METTL25B: variants seen among roughly 807,000 people sequenced by gnomAD.
The protein encoded by METTL25B is methyltransferase like 25B.
METTL25B carries 38 observed loss-of-function variants against 48.4 expected under a neutral mutation model. That is an observed-to-expected ratio of 0.78 (90% CI 0.61 to 1.03). The LOEUF is 1.03. Among genes scored for constraint, METTL25B ranks in the 50% least tolerant of loss-of-function variants. The pLI is 0.00. For missense variants in METTL25B, 537 were observed against 603.7 expected (o/e 0.89, Z 1.16); for synonymous variants, 230 against 254.5 (o/e 0.90, Z 0.92).
At chr1:156,736,346 A>G in intron 7 of METTL25B, 1 of 331,304 alleles carries the variant, frequency 3.0e-6, no homozygotes, top group Non-Finnish European at 5.6e-6. Context: ...GGCAACAGAG[A>G]CTCCATCTCA....
At chr1:156,734,729 C>T (rs1649599988) in intron 6 of METTL25B, among the ~76,000 whole-genome samples, 1 of 151,684 alleles carries the variant, frequency 6.6e-6, no homozygotes, top group African/African-American at 2.4e-5. Context: ...GATGGGGTTT[C>T]ACCATGTTAG....
intron 6 of METTL25B, 39 bp downstream of exon 6, chr1:156,734,532 A>C: frequency 1.4e-6 from 2 of 1,461,558 alleles, no homozygotes; most frequent in South Asian, 2.8e-5. Context: ...TGGAGAGGAG[A>C]TTTCTTTTTT....
chr1:156,732,983 A>G lies in METTL25B; in HGVS notation c.430-2A>G. On this transcript the variant is annotated splice_acceptor_variant, in intron 3 of 7. Coordinates refer to ENST00000368216, the MANE Select transcript of METTL25B (RefSeq NM_015997.4). LOFTEE classifies it high-confidence loss of function. Reference sequence around the variant, plus strand: ...GGAGACCTTTGTTTCCTCCTTTTTCAGTTGGTGAAGAAGCTGAGTGATTTC... The same window carrying G: ...GGAGACCTTTGTTTCCTCCTTTTTCGGTTGGTGAAGAAGCTGAGTGATTTC... 6.2e-7 allele frequency: 1 copy of G among 1,613,472 alleles called. No individual in the cohort carries two copies. Among genetic ancestry groups the G allele is most frequent in the Non-Finnish European group, 8.5e-7 (1 of 1,179,780 alleles).
intron 5 of METTL25B, 145 bp from the exon 6 acceptor site, chr1:156,733,864 G>A (rs1649492991): frequency 1.8e-6 from 2 of 1,081,416 alleles, no homozygotes; most frequent in African/African-American, 1.6e-5. Flanking sequence ...CCTGACTTGT[G>A]GTCCAGCCCC....
rs1649556532 is a variant in METTL25B at position 156,734,417 on chromosome 1, A to G, written c.1045A>G (p.Ile349Val). Residue 349 changes from isoleucine (I) to valine (V), a missense_variant, in exon 6 of 8, where the codon ATC becomes GTC. Ile to Val is a conservative substitution (Grantham distance 29). Transcript: ENST00000368216. ...HCYRAALETV[I>V]RRARPELRRP... is the part of the protein sequence containing the mutation. Reference sequence around the variant, plus strand: ...CTACCGTGCAGCACTGGAGACAGTCATCCGACGGGCCCGGCCCGAGCTCCG... The same window carrying G: ...CTACCGTGCAGCACTGGAGACAGTCGTCCGACGGGCCCGGCCCGAGCTCCG... 2 of 1,611,542 alleles carry G rather than the reference A, an allele frequency of 1.2e-6. No homozygotes were observed. The highest frequency in any genetic ancestry group is 2.7e-5 in the African/African-American group (2 of 75,008).
intron 3 of METTL25B, 127 bp from the exon 4 acceptor site, chr1:156,732,858 C>A: frequency 1.2e-6 from 1 of 809,232 alleles, no homozygotes; most frequent in Non-Finnish European, 2.0e-6. Flanking sequence ...CCAAATCTGT[C>A]TTCACATCCA....
intron 4 of METTL25B, 72 bp from the exon 5 acceptor site, chr1:156,733,305 G>T: frequency 6.5e-7 from 1 of 1,548,474 alleles, no homozygotes; most frequent in Admixed American, 1.9e-5. Flanking sequence ...CAGGTGTCCA[G>T]GTTACCCATG....
chr1:156,728,482 G>C lies in METTL25B; in HGVS notation c.-623G>C, dbSNP rs1356611928. ...GATGCGGAAATCGGTGCGCGCCGAC[G>C]AAGCCCGGGAAGGCAGGCGCGCGGG... On this transcript the variant is annotated 5_prime_UTR_variant, in exon 1 of 8. Coordinates refer to ENST00000368216, the MANE Select transcript of METTL25B (RefSeq NM_015997.4). 5 of 985,640 alleles carry C rather than the reference G, an allele frequency of 5.1e-6. No homozygotes were observed. The highest frequency in any genetic ancestry group is 6.0e-6 in the Non-Finnish European group (5 of 829,936). The allele number at this position is 985,640 out of a possible 1,614,324, so 61.1% of individuals were successfully genotyped here. A position where few individuals can be genotyped will look rare whatever the true frequency, so the allele number is the denominator to read the frequency against.
chr1:156,729,435 T>G (rs1453487060), intron 1 of METTL25B: 5 of 391,468 alleles, frequency 1.3e-5, no homozygotes, highest in Non-Finnish European at 2.2e-5. Flanking sequence ...TTTTTTTTCT[T>G]TTTTTTTTTG....
Position 156,732,119 on chromosome 1 carries a change from T to G in METTL25B, c.236+4T>G, listed in dbSNP as rs774061757. ...CTGGGGAAGGGGAGGTCGTCAGGTA[T>G]GGGCTAGAAGGTCCCTGTGCTGGGG... On this transcript the variant is annotated splice_donor_region_variant and intron_variant, in intron 2 of 7. Coordinates refer to ENST00000368216, the MANE Select transcript of METTL25B (RefSeq NM_015997.4). 6 of 1,614,208 alleles carry G rather than the reference T, an allele frequency of 3.7e-6. No homozygotes were observed. The East Asian group carries it at 1.1e-4, about 30-fold the overall frequency.
rs773519286 is a variant in METTL25B, at chr1:156,735,780, C to T, written c.1177C>T (p.Leu393=). The change falls in exon 7 of 8, where the codon CTG becomes TTG. Residue 393 remains leucine (L), a synonymous_variant. Transcript: ENST00000368216. The part of the protein sequence containing the change: ...VGLDPQLPLN[L]AALQAHVAQE... ...GCTAGATCCCCAGCTGCCACTGAAT[C>T]TGGCTGCCCTTCAGGCCCACGTGGC... 2 of 1,612,084 alleles carry T rather than the reference C, an allele frequency of 1.2e-6. No homozygotes were observed. The highest frequency in any genetic ancestry group is 1.3e-5 in the African/African-American group (1 of 74,424).
intron 7 of METTL25B, chr1:156,736,137 G>T: frequency 2.6e-6 from 1 of 381,492 alleles, no homozygotes; most frequent in South Asian, 5.3e-5. Context: ...GGAGGCCAGG[G>T]TGGGTAGATC....
chr1:156,729,226 A>G lies in METTL25B; in HGVS notation c.111+11A>G, dbSNP rs1209915316. ...GATGCCTACATCATCGTGAGGCCAC[A>G]GGGGCGTGGGTGGGATGTCTCTGGT... On this transcript the variant is annotated intron_variant, in intron 1 of 7. Transcript: ENST00000368216. 2 of 1,551,176 alleles carry G rather than the reference A, an allele frequency of 1.3e-6. No homozygotes were observed. The highest frequency in any genetic ancestry group is 1.7e-4 in the Middle Eastern group (1 of 5,924).
chr1:156,732,412 C>G lies in METTL25B; in HGVS notation c.368C>G (p.Thr123Arg). 1 of 1,614,212 alleles carries G rather than the reference C, an allele frequency of 6.2e-7. No homozygotes were observed. Among genetic ancestry groups the G allele is most frequent in the Non-Finnish European group, 8.5e-7 (1 of 1,180,046 alleles). ...AACCCCAGCCAGAGCTCCCGACTAA[C>G]AGCTCCATTCCGGAAACATGTCAGG... ...LENPSQSSRL[T>R]APFRKHVRPK... The change falls in exon 3 of 8, where the codon ACA (threonine) becomes AGA (arginine). Residue 123 changes from threonine (T) to arginine (R), a missense_variant. By Grantham distance (71) the Thr-to-Arg change is moderately conservative. Transcript: ENST00000368216.
chr1:156,730,476 C>A (rs1368186908), intron 1 of METTL25B, among the ~76,000 whole-genome samples: 1 of 152,084 alleles, frequency 6.6e-6, no homozygotes, highest in African/African-American at 2.4e-5. Context: ...GTAATCCTAG[C>A]ACTCTGGGAG....
Position 156,732,348 on chromosome 1 carries a change from CGG to C in METTL25B, c.305_306del (p.Arg102HisfsTer35), listed in dbSNP as rs1649370312. 1 of 1,614,130 alleles carries C rather than the reference CGG, an allele frequency of 6.2e-7. No individual in the cohort carries two copies. Among genetic ancestry groups the C allele is most frequent in the Non-Finnish European group, 8.5e-7 (1 of 1,180,056 alleles). Reference sequence around the variant, plus strand: ...CACGGCGTGTGCCCTGGCCTTTACCCGGATGCCTGGCTTTCAGACCCCCTCAG... The same window carrying C: ...CACGGCGTGTGCCCTGGCCTTTACCCATGCCTGGCTTTCAGACCCCCTCAG... Reference protein sequence around the residue: ...KSTACALAFTRMPGFQTPSEF... With the variant: ...KSTACALAFTXMPGFQTPSEF... On this transcript the variant is annotated frameshift_variant, in exon 3 of 8. Coordinates refer to ENST00000368216, the MANE Select transcript of METTL25B (RefSeq NM_015997.4). LOFTEE classifies it high-confidence loss of function.
intron 1 of METTL25B, among the ~76,000 whole-genome samples, chr1:156,729,901 C>G (rs1649106941): frequency 6.6e-6 from 1 of 152,270 alleles, no homozygotes; most frequent in East Asian, 1.9e-4. Context: ...GACCACAAAC[C>G]CAGAGGCCAT....
In METTL25B at chr1:156,733,977, C is replaced by T. The variant is rs972764321; in HGVS notation, c.637-32C>T. 2.6e-6 allele frequency: 4 copies of T among 1,560,502 alleles called. No individual in the cohort carries two copies. The Admixed American group carries it at 7.3e-5, about 29-fold the overall frequency. Reference sequence around the variant, plus strand: ...GGCCTGGGGACAGCAAACAGACTTCCCATCTGCCTTTGTCCTTTCCTGCTT... The same window carrying T: ...GGCCTGGGGACAGCAAACAGACTTCTCATCTGCCTTTGTCCTTTCCTGCTT... On this transcript the variant is annotated intron_variant, in intron 5 of 7. Transcript: ENST00000368216.
Position 156,733,383 on chromosome 1 carries a change from C to T in METTL25B, c.499C>T (p.Leu167Phe). The T allele has an allele frequency of 1.2e-6, 2 of 1,614,124 alleles. No homozygotes were observed. The highest frequency in any genetic ancestry group is 8.5e-7 in the Non-Finnish European group (1 of 1,180,012). ...ATCCTCCTCGTGACTCCAGGGCCAT[C>T]TCTCCCGCTTCATGGCTCTTGGCCT... ...VVDVGSGQGH[L>F]SRFMALGLGL... The change falls in exon 5 of 8, where the codon CTC (leucine) becomes TTC (phenylalanine). Residue 167 changes from leucine to phenylalanine, a missense_variant. Transcript: ENST00000368216.
Sources: allele counts gnomAD v4.1 joint callset (sites outside exome capture counted in the v4.1 genomes callset), GRCh38; gene constraint gnomAD v4.1.1; transcripts MANE v1.5; gene names NCBI Gene and HGNC (gene_info 2026-07-23, HGNC 2026-07-21).